C2CD3: variants seen among roughly 807,000 people sequenced by gnomAD.
C2CD3 encodes the protein C2 domain-containing protein 3.
In C2CD3, 148 loss-of-function variants were observed where a neutral mutation model predicts 234.0. The observed-to-expected ratio is 0.63, with a 90% CI of 0.55 to 0.72. C2CD3 has a LOEUF of 0.72. Ranked by LOEUF, C2CD3 falls within the 30% of genes least tolerant of loss-of-function variation. The pLI is 0.00. For missense variants in C2CD3, 2,577 were observed against 2,811.5 expected, an observed-to-expected ratio of 0.92 and a Z score of 1.89; for synonymous variants, 1,000 against 1,035.4, an observed-to-expected ratio of 0.97 and a Z score of 0.66.
chr11:74,158,914 A>G (rs1398066361), intron 3 of C2CD3, among the ~76,000 whole-genome samples: 1 of 152,216 alleles, frequency 6.6e-6, no homozygotes. Context: ...AATGTCAATT[A>G]GTACAATCAT....
At chr11:74,165,613 T>C (rs1429952492) in intron 2 of C2CD3, among the ~76,000 whole-genome samples, 1 of 152,188 alleles carries the variant, frequency 6.6e-6, no homozygotes, top group Non-Finnish European at 1.5e-5. Flanking sequence ...GCACATACTT[T>C]TGTGAACTAA....
rs186657966 is a variant in C2CD3 at position 74,049,992 on chromosome 11, G to A, written c.5156-450C>T. Among the ~76,000 whole-genome samples the A allele has an allele frequency of 8.3e-3, 1,258 of 151,180 alleles. 15 individuals are homozygous for A. The highest frequency in any genetic ancestry group is 0.027 in the African/African-American group (1,102 of 40,562). On this transcript the variant is annotated intron_variant, in intron 26 of 32. Coordinates refer to ENST00000334126, the MANE Select transcript of C2CD3 (RefSeq NM_001286577.2). ...GATGGGGTCTTACTATGTTGCCTAG[G>A]TGGTCTTGAACCCCCAGCCTCAAGT...
At chr11:74,117,114 GAA>G (rs1957024929) in intron 9 of C2CD3, among the ~76,000 whole-genome samples, 1 of 30,020 alleles carries the variant, frequency 3.3e-5, no homozygotes, top group Non-Finnish European at 5.5e-5. Context: ...ATATATATAT[GAA>G]TATATATATA....
intron 23 of C2CD3, among the ~76,000 whole-genome samples, chr11:74,075,407 G>A (rs112453479): frequency 2.6e-5 from 4 of 152,080 alleles, no homozygotes; most frequent in African/African-American, 9.6e-5. Context: ...CAGGAGACCA[G>A]AAATAAATAC....
At chr11:74,161,619 T>C (rs1274685914) in intron 2 of C2CD3, 63 bp from the exon 3 acceptor site, 1 of 1,176,246 alleles carries the variant, frequency 8.5e-7, no homozygotes, top group Non-Finnish European at 1.2e-6. Context: ...TTTTAAGACG[T>C]GGGTAGAGGG....
Position 74,074,317 on chromosome 11 carries a change from A to G in C2CD3, c.4887T>C (p.Ala1629=), listed in dbSNP as rs1052062536. 2.5e-6 allele frequency: 4 copies of G among 1,614,228 alleles called. No homozygotes were observed. The highest frequency in any genetic ancestry group is 4.5e-5 in the East Asian group (2 of 44,886). The change falls in exon 24 of 33, where the codon GCT becomes GCC. Residue 1629 remains alanine (A), a synonymous_variant. Coordinates refer to ENST00000334126, the MANE Select transcript of C2CD3 (RefSeq NM_001286577.2). ...TGACTGCAAACGTTCCATCCAAATCAGCAGGGCCCTCCTGCGTCAGGCGGA... is the reference window on the plus strand; with the variant it reads ...TGACTGCAAACGTTCCATCCAAATCGGCAGGGCCCTCCTGCGTCAGGCGGA... The part of the protein sequence containing the change: ...AEVRLTQEGP[A]DLDGTFAVSI...
chr11:74,018,983 C>G (rs555829891), intron 32 of C2CD3, among the ~76,000 whole-genome samples: 2 of 152,280 alleles, frequency 1.3e-5, no homozygotes, highest in East Asian at 3.9e-4. Flanking sequence ...ACAGGGCCTA[C>G]GTCACTCCCT....
chr11:74,117,834 A>G (rs1957080357), intron 9 of C2CD3, among the ~76,000 whole-genome samples: 1 of 151,630 alleles, frequency 6.6e-6, no homozygotes, highest in Non-Finnish European at 1.5e-5. Flanking sequence ...AATTGCTTCA[A>G]TCTGGGAGGT....
At chr11:74,127,500 C>G (rs1224576319) in intron 7 of C2CD3, among the ~76,000 whole-genome samples, 1 of 149,534 alleles carries the variant, frequency 6.7e-6, no homozygotes, top group African/African-American at 2.5e-5. Context: ...TTGCATGTGA[C>G]TATCCAGTTG....
In C2CD3 at chr11:74,161,509, G is replaced by C; in HGVS notation, c.373C>G (p.Pro125Ala). The change falls in exon 3 of 33, where the codon CCA becomes GCA. Residue 125 changes from proline (P) to alanine (A), a missense_variant. Transcript: ENST00000334126. Reference protein sequence around the residue: ...LEVITKLDGLPIGRVQINGLA... With the variant: ...LEVITKLDGLAIGRVQINGLA... ...CCATTGATCTGAACTCTACCAATTG[G>C]AAGACCATCAAGTTTGGTGATTACT... is the stretch of plus-strand genomic sequence containing the variant. 4 of 1,593,628 alleles carry C rather than the reference G, an allele frequency of 2.5e-6. No homozygotes were observed. Among genetic ancestry groups the C allele is most frequent in the Middle Eastern group, 1.7e-4 (1 of 6,008 alleles).
chr11:74,050,060 G>A (rs1043378742), intron 26 of C2CD3, among the ~76,000 whole-genome samples: 3 of 152,106 alleles, frequency 2.0e-5, no homozygotes, highest in Non-Finnish European at 2.9e-5. Flanking sequence ...GATTACACAT[G>A]TAAGCCACCC....
At chr11:74,083,894 A>G (rs186349010) in intron 22 of C2CD3, among the ~76,000 whole-genome samples, 2 of 152,312 alleles carry the variant, frequency 1.3e-5, no homozygotes, top group African/African-American at 4.8e-5. Context: ...GCGATTCCTC[A>G]AGGATCTAGA....
intron 13 of C2CD3, 69 bp from the exon 14 acceptor site, chr11:74,103,694 G>C: frequency 7.8e-7 from 1 of 1,279,762 alleles, no homozygotes; most frequent in Non-Finnish European, 1.1e-6. Flanking sequence ...TTTTGAGGCT[G>C]GAAACAACAT....
intron 32 of C2CD3, among the ~76,000 whole-genome samples, chr11:74,016,303 C>T (rs918371437): frequency 7.4e-5 from 11 of 148,858 alleles, no homozygotes; most frequent in African/African-American, 1.8e-4. Flanking sequence ...AAGTCTGGGG[C>T]GGCTTCACAG....
At chr11:74,107,947 G>C (rs1429787105) in intron 12 of C2CD3, 1 of 151,940 alleles carries the variant, frequency 6.6e-6, no homozygotes, top group African/African-American at 2.4e-5. Context: ...TCAGGAGATC[G>C]AGACCATCCT....
chr11:74,084,984 C>A lies in C2CD3; in HGVS notation c.3911-14G>T, dbSNP rs1228404428. The A allele has an allele frequency of 1.1e-5, 17 of 1,511,480 alleles. No homozygotes were observed. The highest frequency in any genetic ancestry group is 1.7e-5 in the Admixed American group (1 of 58,934). The allele number at this position is 1,511,480 out of a possible 1,614,324, so 93.6% of individuals were successfully genotyped here. ...TTATATCACTTGCTGTTAAATCAAG[C>A]AAAAAAGAAAAATTATTTGATGGTC... On this transcript the variant is annotated splice_polypyrimidine_tract_variant and intron_variant, in intron 21 of 32. Transcript: ENST00000334126.
chr11:74,044,451 C>CAA (rs759415122), intron 28 of C2CD3, among the ~76,000 whole-genome samples: 17 of 124,136 alleles, frequency 1.4e-4, no homozygotes, highest in African/African-American at 4.0e-4. Context: ...AAGACTGTCT[C>CAA]AAAAAAAAAA....
At chr11:74,098,788 C>T (rs1021642717) in intron 15 of C2CD3, among the ~76,000 whole-genome samples, 3 of 152,180 alleles carry the variant, frequency 2.0e-5, no homozygotes, top group African/African-American at 7.2e-5. Context: ...TAAGGATACA[C>T]AACTAGTAGG....
intron 30 of C2CD3, 106 bp downstream of exon 30, chr11:74,037,372 G>C: frequency 1.2e-6 from 1 of 849,200 alleles, no homozygotes; most frequent in Non-Finnish European, 1.9e-6. Flanking sequence ...GAAAACAATT[G>C]GTCTCTATTT....
Sources: allele counts gnomAD v4.1 joint callset (sites outside exome capture counted in the v4.1 genomes callset), GRCh38; gene constraint gnomAD v4.1.1; transcripts MANE v1.5; gene names NCBI Gene and HGNC (gene_info 2026-07-23, HGNC 2026-07-21).